CDC42BPB: variants seen among roughly 807,000 people sequenced by gnomAD.
The protein encoded by CDC42BPB is CDC42 binding protein kinase beta.
A neutral mutation model predicts 214.9 loss-of-function variants in CDC42BPB; 37 were observed. That is an observed-to-expected ratio of 0.17 (90% CI 0.13 to 0.23). The LOEUF (loss-of-function observed/expected upper bound fraction) is 0.23. Ranked by LOEUF, CDC42BPB falls within the 10% of genes least tolerant of loss-of-function variation. The probability of loss-of-function intolerance (pLI) is 1.00; values close to 1 mark genes in which losing one functional copy is unlikely to be tolerated. For synonymous variants in CDC42BPB, 931 were observed against 884.0 expected, an observed-to-expected ratio of 1.05 and a Z score of -0.94; for missense variants, 1,694 against 2,227.0, an observed-to-expected ratio of 0.76 and a Z score of 4.82.
chr14:102,957,198 CAAA>C (rs1169886657), intron 21 of CDC42BPB, among the ~76,000 whole-genome samples: 25 of 33,416 alleles, frequency 7.5e-4, no homozygotes, highest in African/African-American at 2.0e-3. Context: ...AAGACTGTCT[CAAA>C]AAAAAAAAAA....
chr14:102,983,487 C>G, intron 7 of CDC42BPB, 69 bp downstream of exon 7: 3 of 1,584,942 alleles, frequency 1.9e-6, no homozygotes, highest in Non-Finnish European at 2.6e-6. Context: ...TCTTCCTGCA[C>G]TAGTTGTGCT....
At chr14:102,945,831 G>C in intron 28 of CDC42BPB, 107 bp from the exon 29 acceptor site, 1 of 922,762 alleles carries the variant, frequency 1.1e-6, no homozygotes, top group Non-Finnish European at 1.8e-6. Context: ...AACCATATGT[G>C]GATGAGAATA....
At chr14:103,005,448 C>T (rs1273521927) in intron 3 of CDC42BPB, among the ~76,000 whole-genome samples, 1 of 151,816 alleles carries the variant, frequency 6.6e-6, no homozygotes, top group Non-Finnish European at 1.5e-5. Context: ...GTGGCTCACG[C>T]TGTAATCCCA....
At chr14:102,952,460 C>A in intron 24 of CDC42BPB, 38 bp downstream of exon 24, 2 of 1,321,098 alleles carry the variant, frequency 1.5e-6, no homozygotes, top group Non-Finnish European at 2.2e-6. Flanking sequence ...GGGTGTGGGG[C>A]TGTGCACGCT....
chr14:102,933,790 G>T lies in CDC42BPB; in HGVS notation c.5058C>A (p.Ser1686Arg). The T allele has an allele frequency of 6.7e-7, 1 of 1,501,312 alleles. No homozygotes were observed. 93.0% of individuals were successfully genotyped at this position (1,501,312 alleles called of 1,614,324 possible). ...GGGGGGAGTTGGGGCTCGGTGGGCCGCTGGGGTTGGAGCTATTCGATGGAG... is the reference window on the plus strand; with the variant it reads ...GGGGGGAGTTGGGGCTCGGTGGGCCTCTGGGGTTGGAGCTATTCGATGGAG... The part of the protein sequence containing the change: ...HSTPSNSSNP[S>R]GPPSPNSPHR... Residue 1686 changes from serine to arginine, a missense_variant, in exon 37 of 37, where the codon AGC becomes AGA. Physicochemically the swap from Ser to Arg is moderately radical, Grantham distance 110. Around this residue, in one of 7 missense-constraint regions of CDC42BPB, gnomAD observed 146 missense variants for 134.1 expected, o/e 1.09. Transcript: ENST00000361246.
At position 102,949,838 on chromosome 14, in the gene CDC42BPB, G is replaced by T. The variant is rs1248777092; in HGVS notation, c.3376C>A (p.Leu1126Ile). 6.2e-7 allele frequency: 1 copy of T among 1,613,658 alleles called. No homozygotes were observed. The highest frequency in any genetic ancestry group is 8.5e-7 in the Non-Finnish European group (1 of 1,180,016). Residue 1126 changes from leucine to isoleucine, a missense_variant, in exon 26 of 37, where the codon CTC becomes ATC. Leu to Ile is a conservative substitution (Grantham distance 5). This residue lies in a region of CDC42BPB where 567 missense variants were observed against 790.3 expected (regional missense o/e 0.72). Coordinates refer to ENST00000361246, the MANE Select transcript of CDC42BPB (RefSeq NM_006035.4). ...CCTTCAGGCAGATCATACAGGAAGA[G>T]CTTGCAGTCACAGACGACTGCATAT... The part of the protein sequence containing the change: ...RAYAVVCDCK[L>I]FLYDLPEGKS...
Position 102,967,182 on chromosome 14 carries a change from C to T in CDC42BPB, c.2347-12G>A, listed in dbSNP as rs1238420960. 2 of 1,606,104 alleles carry T rather than the reference C, an allele frequency of 1.2e-6. No homozygotes were observed. The highest frequency in any genetic ancestry group is 1.7e-6 in the Non-Finnish European group (2 of 1,173,872). On this transcript the variant is annotated splice_polypyrimidine_tract_variant and intron_variant, in intron 16 of 36. Coordinates refer to ENST00000361246, the MANE Select transcript of CDC42BPB (RefSeq NM_006035.4). Reference sequence around the variant, plus strand: ...ACAAAGGAACAGAGCTGAAATGAAACAATTTCACCACAGAACTTGTTAATC... The same window carrying T: ...ACAAAGGAACAGAGCTGAAATGAAATAATTTCACCACAGAACTTGTTAATC...
At chr14:102,956,494 G>GT (rs1892711184) in intron 21 of CDC42BPB, 8 of 833,274 alleles carry the variant, frequency 9.6e-6, no homozygotes, top group Non-Finnish European at 1.2e-5. Flanking sequence ...CTGATGGAGG[G>GT]TTTTTTCTGT....
chr14:102,970,026 G>T, intron 14 of CDC42BPB, 125 bp downstream of exon 14: 2 of 724,510 alleles, frequency 2.8e-6, no homozygotes, highest in Non-Finnish European at 4.6e-6. Context: ...TGTGGGTCTT[G>T]TCTGAACAGC....
At chr14:102,968,160 T>A in intron 16 of CDC42BPB, 93 bp downstream of exon 16, 1 of 807,532 alleles carries the variant, frequency 1.2e-6, no homozygotes, top group Non-Finnish European at 2.0e-6. Context: ...TAAATATATA[T>A]ACCTACTATG....
intron 1 of CDC42BPB, among the ~76,000 whole-genome samples, chr14:103,048,756 C>A (rs1888444623): frequency 1.4e-5 from 2 of 148,066 alleles, no homozygotes; most frequent in Admixed American, 6.8e-5. Flanking sequence ...TGCCTGTAAT[C>A]CCAGCTACTC....
Position 102,968,217 on chromosome 14 carries a change from C to A in CDC42BPB, c.2346+36G>T, listed in dbSNP as rs200807480. 2.0e-6 allele frequency: 3 copies of A among 1,490,998 alleles called. No homozygotes were observed. In the East Asian group the frequency reaches 6.8e-5, roughly 34 times the overall value. The allele number at this position is 1,490,998 out of a possible 1,614,324, so 92.4% of individuals were successfully genotyped here. Reference sequence around the variant, plus strand: ...ATTTTTTTTTAAATTACAACTTCCACACAAAGTGCTAACTCAGGTACTTTG... The same window carrying A: ...ATTTTTTTTTAAATTACAACTTCCAAACAAAGTGCTAACTCAGGTACTTTG... On this transcript the variant is annotated intron_variant, in intron 16 of 36. Transcript: ENST00000361246.
At chr14:103,017,532 C>T (rs1043915446) in intron 1 of CDC42BPB, among the ~76,000 whole-genome samples, 1 of 152,098 alleles carries the variant, frequency 6.6e-6, no homozygotes, top group African/African-American at 2.4e-5. Context: ...GCATCAGTTA[C>T]GTGATGAGAC....
intron 8 of CDC42BPB, 110 bp from the exon 9 acceptor site, chr14:102,978,315 G>A (rs1893849487): frequency 6.5e-7 from 1 of 1,537,210 alleles, no homozygotes; most frequent in Admixed American, 1.9e-5. Context: ...AGAACATGTG[G>A]CCTTGGAGAA....
chr14:102,949,689 G>C (rs1892392338), intron 26 of CDC42BPB, 76 bp downstream of exon 26: 2 of 1,580,610 alleles, frequency 1.3e-6, no homozygotes, highest in South Asian at 1.1e-5. Flanking sequence ...AGACTACTAA[G>C]GAACACACCG....
Position 103,012,247 on chromosome 14 carries a change from TTTAA to T in CDC42BPB, c.176-63_176-60del, listed in dbSNP as rs988757005. 58 of 1,511,566 alleles carry T rather than the reference TTTAA, an allele frequency of 3.8e-5. No individual in the cohort carries two copies. The African/African-American group carries it at 4.2e-4, about 11-fold the overall frequency. The allele number at this position is 1,511,566 out of a possible 1,614,324, so 93.6% of individuals were successfully genotyped here. ...CTAATCAGTTCATACTATATAAAAA[TTTAA>T]TTGAGTGGGGTGTTGCACTAAGTTA... is the stretch of plus-strand genomic sequence containing the variant. On this transcript the variant is annotated intron_variant, in intron 1 of 36. Coordinates refer to ENST00000361246, the MANE Select transcript of CDC42BPB (RefSeq NM_006035.4).
chr14:102,934,402 C>T (rs1339496963), intron 36 of CDC42BPB, among the ~76,000 whole-genome samples: 1 of 152,292 alleles, frequency 6.6e-6, no homozygotes, highest in African/African-American at 2.4e-5. Flanking sequence ...GGCGTGGCAG[C>T]ATGCACCTGT....
chr14:103,039,578 A>C (rs1009123537), intron 1 of CDC42BPB, among the ~76,000 whole-genome samples: 1 of 152,152 alleles, frequency 6.6e-6, no homozygotes, highest in African/African-American at 2.4e-5. Context: ...ACACCCTTTC[A>C]CATCAAAAAC....
Position 102,954,063 on chromosome 14 carries a change from T to C in CDC42BPB, c.3066+135A>G, listed in dbSNP as rs550110568. On this transcript the variant is annotated intron_variant, in intron 23 of 36. Transcript: ENST00000361246. ...TTCTCAACAACTTTCCTACAGAACA[T>C]GAGGGTCGCTACTGTGTGTATGCAA... The C allele has an allele frequency of 1.0e-5, 7 of 675,426 alleles. 1 individual carries two copies. The Admixed American group carries it at 1.8e-4, about 17-fold the overall frequency. 41.8% of individuals were successfully genotyped at this position (675,426 alleles called of 1,614,324 possible).
Sources: allele counts gnomAD v4.1 joint callset (sites outside exome capture counted in the v4.1 genomes callset), GRCh38; gene constraint gnomAD v4.1.1; regional missense constraint gnomAD v4.1.1; transcripts MANE v1.5; gene names NCBI Gene and HGNC (gene_info 2026-07-23, HGNC 2026-07-21).